SOX6: variants seen among roughly 807,000 people sequenced by gnomAD.
SOX6 encodes the protein SRY-box transcription factor 6.
SOX6 carries 11 observed loss-of-function variants against 97.8 expected under a neutral mutation model. The observed-to-expected ratio is 0.11, with a 90% CI of 0.07 to 0.19. The LOEUF is 0.19. Among genes scored for constraint, SOX6 ranks in the 10% least tolerant of loss-of-function variants. The pLI, the probability that SOX6 is intolerant of heterozygous loss-of-function variation, is 1.00. For missense variants in SOX6, 810 were observed against 1,039.5 expected (o/e 0.78, Z 3.04); for synonymous variants, 360 against 371.4 (o/e 0.97, Z 0.35).
chr11:16,302,979 C>T (rs913558548), intron 3 of SOX6, among the ~76,000 whole-genome samples: 2 of 151,896 alleles, frequency 1.3e-5, no homozygotes, highest in South Asian at 4.2e-4. Flanking sequence ...TACTAAAAAA[C>T]AATATTTATC....
chr11:16,173,139 C>T (rs1461027347), intron 6 of SOX6, among the ~76,000 whole-genome samples: 1 of 151,886 alleles, frequency 6.6e-6, no homozygotes, highest in Non-Finnish European at 1.5e-5. Flanking sequence ...AAAGCATTGG[C>T]AAGATCTATG....
chr11:16,253,118 C>A (rs1315962585), intron 3 of SOX6, among the ~76,000 whole-genome samples: 3 of 152,044 alleles, frequency 2.0e-5, no homozygotes, highest in Non-Finnish European at 4.4e-5. Context: ...GAGGCCTAGG[C>A]GGGCAGATCA....
intron 3 of SOX6, chr11:16,317,613 C>T (rs1855790059): frequency 6.5e-6 from 1 of 154,236 alleles, no homozygotes; most frequent in African/African-American, 2.4e-5. Context: ...TTTTTGAGCC[C>T]TCAAAGGAAT....
chr11:16,015,008 T>C lies in SOX6; in HGVS notation c.1666A>G (p.Lys556Glu), dbSNP rs747650218. 3.1e-6 allele frequency: 5 copies of C among 1,612,978 alleles called. No homozygotes were observed. The East Asian group carries it at 6.7e-5, about 22-fold the overall frequency. ...FENLGPQLTG[K>E]SNEDGKLGPG... is the part of the protein sequence containing the mutation. ...CCCAGTTTTCCATCTTCATTTGACTTTCCCGTTAACTGGGGCCCCAAATTC... is the reference window on the plus strand; with the variant it reads ...CCCAGTTTTCCATCTTCATTTGACTCTCCCGTTAACTGGGGCCCCAAATTC... Residue 556 changes from lysine to glutamate, a missense_variant, in exon 13 of 16, where the codon AAG becomes GAG. Lys to Glu is a moderately conservative substitution (Grantham distance 56). This residue lies in a region of SOX6 where 120 missense variants were observed against 127.0 expected (regional missense o/e 0.94). Coordinates refer to ENST00000683767, the MANE Select transcript of SOX6 (RefSeq NM_001367873.1).
intron 3 of SOX6, among the ~76,000 whole-genome samples, chr11:16,655,483 A>C (rs886347302): frequency 3.3e-5 from 5 of 152,234 alleles, no homozygotes; most frequent in African/African-American, 1.2e-4. Flanking sequence ...AGACATTTAC[A>C]GGCAAGATTA....
At chr11:15,982,522 C>T (rs1385245942) in intron 15 of SOX6, among the ~76,000 whole-genome samples, 1 of 152,032 alleles carries the variant, frequency 6.6e-6, no homozygotes, top group Non-Finnish European at 1.5e-5. Flanking sequence ...TGAGGATGCT[C>T]AAGTCCCTTT....
At chr11:16,464,890 G>A (rs989092285) in intron 1 of SOX6, among the ~76,000 whole-genome samples, 2 of 152,086 alleles carry the variant, frequency 1.3e-5, no homozygotes, top group Admixed American at 6.5e-5. Flanking sequence ...AATCAGGGGG[G>A]AAAAACTGTA....
chr11:16,581,113 T>C (rs1007339488), intron 4 of SOX6, among the ~76,000 whole-genome samples: 4 of 152,096 alleles, frequency 2.6e-5, no homozygotes, highest in African/African-American at 7.2e-5. Context: ...ACCAAAGGAA[T>C]AGAAATCATT....
chr11:15,992,193 C>A (rs932238898), intron 13 of SOX6, among the ~76,000 whole-genome samples: 1 of 152,126 alleles, frequency 6.6e-6, no homozygotes, highest in African/African-American at 2.4e-5. Flanking sequence ...CTTCTGTCTT[C>A]CAGAAGGAGT....
chr11:16,717,270 A>G (rs1848225944), intron 2 of SOX6, among the ~76,000 whole-genome samples: 1 of 152,114 alleles, frequency 6.6e-6, no homozygotes, highest in Non-Finnish European at 1.5e-5. Context: ...TGGCTCTGTG[A>G]GAAGTTAGGT....
chr11:16,502,343 G>A (rs529592804), intron 4 of SOX6, among the ~76,000 whole-genome samples: 20 of 152,108 alleles, frequency 1.3e-4, no homozygotes, highest in African/African-American at 4.1e-4. Context: ...GATAGCATTA[G>A]GAGATATACC....
At chr11:16,692,750 C>T (rs920508867) in intron 3 of SOX6, among the ~76,000 whole-genome samples, 3 of 152,084 alleles carry the variant, frequency 2.0e-5, no homozygotes, top group African/African-American at 7.2e-5. Context: ...ATTGTTTTTT[C>T]TTTTACAAAA....
chr11:16,528,156 G>A (rs147934340), intron 4 of SOX6, among the ~76,000 whole-genome samples: 60 of 152,046 alleles, frequency 3.9e-4, no homozygotes, highest in African/African-American at 1.2e-3. Context: ...TAAGAGGCCC[G>A]GTAGAAATTT....
At chr11:16,648,343 G>A (rs780164386) in intron 3 of SOX6, among the ~76,000 whole-genome samples, 1 of 151,914 alleles carries the variant, frequency 6.6e-6, no homozygotes, top group Non-Finnish European at 1.5e-5. Flanking sequence ...GCCATGGCAG[G>A]CCCCACCCAA....
intron 10 of SOX6, among the ~76,000 whole-genome samples, chr11:16,051,975 C>A (rs758226259): frequency 4.0e-5 from 6 of 150,534 alleles, no homozygotes; most frequent in Non-Finnish European, 7.4e-5. Flanking sequence ...TGTTGCTAAA[C>A]CCATCTAGTA....
At chr11:16,025,874 C>A (rs1207471852) in intron 12 of SOX6, among the ~76,000 whole-genome samples, 1 of 151,998 alleles carries the variant, frequency 6.6e-6, no homozygotes, top group East Asian at 1.9e-4. Flanking sequence ...GTATGCTGCA[C>A]AAATAACATA....
At chr11:16,445,223 T>C (rs1445522663) in intron 1 of SOX6, among the ~76,000 whole-genome samples, 2 of 152,186 alleles carry the variant, frequency 1.3e-5, no homozygotes, top group Non-Finnish European at 2.9e-5. Flanking sequence ...AGAGTAACAA[T>C]AGACCCATTA....
chr11:16,405,706 T>C (rs11023935), intron 1 of SOX6, among the ~76,000 whole-genome samples: 3,761 of 152,118 alleles, frequency 0.025, 138 homozygotes, highest in African/African-American at 0.078. Flanking sequence ...CCTCTTTTCA[T>C]CCAACCTTCC....
intron 4 of SOX6, among the ~76,000 whole-genome samples, chr11:16,498,691 A>C (rs920587584): frequency 6.6e-6 from 1 of 152,230 alleles, no homozygotes; most frequent in South Asian, 2.1e-4. Flanking sequence ...TTAAACCAAC[A>C]AAGATCAAAA....
Sources: allele counts gnomAD v4.1 joint callset (sites outside exome capture counted in the v4.1 genomes callset), GRCh38; gene constraint gnomAD v4.1.1; regional missense constraint gnomAD v4.1.1; transcripts MANE v1.5; gene names NCBI Gene and HGNC (gene_info 2026-07-23, HGNC 2026-07-21).